The following GAP43 variants were observed in gnomAD, a reference collection of about 807,000 sequenced individuals.
GAP43 encodes growth associated protein 43, also known as neuromodulin.
In GAP43, 6 loss-of-function variants were observed where a neutral mutation model predicts 18.6. The ratio of observed to expected loss-of-function variants is 0.32; its 90% CI spans 0.18 to 0.64. The LOEUF (loss-of-function observed/expected upper bound fraction) is 0.64. Ranked by LOEUF, GAP43 falls within the 30% of genes least tolerant of loss-of-function variation. GAP43 has a pLI of 0.78. For missense variants in GAP43, 292 were observed against 295.5 expected (o/e 0.99, Z 0.09); for synonymous variants, 115 against 111.4 (o/e 1.03, Z -0.20).
intron 2 of GAP43, among the ~76,000 whole-genome samples, chr3:115,695,628 C>G (rs1709177224): frequency 6.6e-6 from 1 of 152,154 alleles, no homozygotes; most frequent in Admixed American, 6.5e-5. Context: ...GTCAGGCAGT[C>G]TAGCTCCTGA....
At chr3:115,660,703 T>C (rs533728857) in intron 1 of GAP43, among the ~76,000 whole-genome samples, 15 of 152,314 alleles carry the variant, frequency 9.8e-5, no homozygotes, top group Admixed American at 2.0e-4. Context: ...TATTTCATCA[T>C]TGAATGTGCA....
chr3:115,640,937 CTCTT>C (rs1377940586), intron 1 of GAP43, among the ~76,000 whole-genome samples: 6 of 145,212 alleles, frequency 4.1e-5, no homozygotes, highest in South Asian at 2.3e-4. Flanking sequence ...TTTTTTCCTT[CTCTT>C]TCTTTCTCCC....
At chr3:115,683,847 C>T (rs972119661) in intron 2 of GAP43, among the ~76,000 whole-genome samples, 8 of 152,006 alleles carry the variant, frequency 5.3e-5, no homozygotes, top group Non-Finnish European at 1.5e-5. Context: ...TAAAACTCTA[C>T]ATTCACAGTC....
chr3:115,650,706 G>A (rs1708510908), intron 1 of GAP43, among the ~76,000 whole-genome samples: 1 of 152,148 alleles, frequency 6.6e-6, no homozygotes, highest in South Asian at 2.1e-4. Context: ...ATCTCTAATA[G>A]CATAACTTTG....
intron 2 of GAP43, among the ~76,000 whole-genome samples, chr3:115,692,109 T>C (rs190134872): frequency 1.3e-5 from 2 of 152,298 alleles, no homozygotes; most frequent in East Asian, 3.9e-4. Context: ...CAAAATGACC[T>C]TGTCTTTCAT....
chr3:115,669,512 T>C (rs567441402), intron 1 of GAP43, among the ~76,000 whole-genome samples: 1 of 152,332 alleles, frequency 6.6e-6, no homozygotes, highest in South Asian at 2.1e-4. Flanking sequence ...GACAAGGTAC[T>C]TCTCAAAGGC....
chr3:115,685,000 G>A (rs1355061385), intron 2 of GAP43, among the ~76,000 whole-genome samples: 1 of 152,204 alleles, frequency 6.6e-6, no homozygotes, highest in Non-Finnish European at 1.5e-5. Flanking sequence ...AGTGGAAAAA[G>A]TAGCTTCATG....
intron 1 of GAP43, among the ~76,000 whole-genome samples, chr3:115,666,505 C>A (rs748959390): frequency 6.6e-6 from 1 of 152,082 alleles, no homozygotes; most frequent in East Asian, 1.9e-4. Flanking sequence ...ATGGTGATGG[C>A]AATAATTATG....
rs948735436 is a variant in GAP43 at position 115,720,970 on chromosome 3, C to T, written c.*88C>T. 8 of 777,458 alleles carry T rather than the reference C, an allele frequency of 1.0e-5. No individual in the cohort carries two copies. The Admixed American group carries it at 1.3e-4, about 13-fold the overall frequency. 48.2% of individuals were successfully genotyped at this position (777,458 alleles called of 1,614,324 possible). A position where few individuals can be genotyped will look rare whatever the true frequency, so the allele number is the denominator to read the frequency against. ...CTCTTCTCAGCTCCACTCTGAAGTC[C>T]CTTCCTGTCCTGCTCACGTCTGTGA... On this transcript the variant is annotated 3_prime_UTR_variant, in exon 3 of 3. Coordinates refer to ENST00000305124, the MANE Select transcript of GAP43 (RefSeq NM_002045.4).
intron 2 of GAP43, among the ~76,000 whole-genome samples, chr3:115,699,757 T>G (rs1170923324): frequency 3.9e-5 from 6 of 152,320 alleles, no homozygotes; most frequent in Non-Finnish European, 8.8e-5. Context: ...AAGGATTTTA[T>G]TTAATTAAAA....
At chr3:115,657,398 T>C (rs1708597047) in intron 1 of GAP43, among the ~76,000 whole-genome samples, 2 of 152,202 alleles carry the variant, frequency 1.3e-5, no homozygotes, top group Admixed American at 1.3e-4. Context: ...CCCGGGCCTC[T>C]TGGGTATTGA....
At chr3:115,689,602 T>A (rs1487260388) in intron 2 of GAP43, among the ~76,000 whole-genome samples, 1 of 152,172 alleles carries the variant, frequency 6.6e-6, no homozygotes. Flanking sequence ...AAATATTTCC[T>A]AGGCACCCAG....
chr3:115,715,307 G>T (rs1160631370), intron 2 of GAP43, among the ~76,000 whole-genome samples: 1 of 152,128 alleles, frequency 6.6e-6, no homozygotes, highest in African/African-American at 2.4e-5. Flanking sequence ...AACTGAAAAA[G>T]AACAAGCATA....
chr3:115,699,251 C>T lies in GAP43; in HGVS notation c.629-21543C>T, dbSNP rs372857001. Among the ~76,000 whole-genome samples, 486 of 152,256 alleles carry T rather than the reference C, an allele frequency of 3.2e-3. 4 individuals are homozygous for T. Among genetic ancestry groups the T allele is most frequent in the African/African-American group, 0.011 (471 of 41,528 alleles). The stretch of plus-strand genomic sequence containing the variant: ...CTTGTCACCACATGTGTGAAGTGCA[C>T]GTGAGAAACAGTAACAGGGTTAATG... On this transcript the variant is annotated intron_variant, in intron 2 of 2. Coordinates refer to ENST00000305124, the MANE Select transcript of GAP43 (RefSeq NM_002045.4).
At chr3:115,673,271 C>G (rs1708837687) in intron 1 of GAP43, among the ~76,000 whole-genome samples, 1 of 152,018 alleles carries the variant, frequency 6.6e-6, no homozygotes, top group African/African-American at 2.4e-5. Flanking sequence ...AATTGAGAGC[C>G]CTTTCTTTAT....
intron 1 of GAP43, among the ~76,000 whole-genome samples, chr3:115,673,671 T>A (rs1708840902): frequency 6.6e-6 from 1 of 152,218 alleles, no homozygotes; most frequent in African/African-American, 2.4e-5. Context: ...AGCAGAGAAC[T>A]CCTGGCAGGG....
chr3:115,655,565 T>C (rs1296655021), intron 1 of GAP43, among the ~76,000 whole-genome samples: 1 of 152,196 alleles, frequency 6.6e-6, no homozygotes, highest in Non-Finnish European at 1.5e-5. Flanking sequence ...TCAAATAGTA[T>C]GTACAGAATA....
At chr3:115,653,921 T>A (rs954625685) in intron 1 of GAP43, among the ~76,000 whole-genome samples, 3 of 152,070 alleles carry the variant, frequency 2.0e-5, no homozygotes, top group African/African-American at 4.8e-5. Flanking sequence ...AAAAAAAAAT[T>A]AGCCCTAATG....
At chr3:115,685,749 C>T (rs1298320225) in intron 2 of GAP43, among the ~76,000 whole-genome samples, 1 of 152,342 alleles carries the variant, frequency 6.6e-6, no homozygotes, top group East Asian at 1.9e-4. Context: ...AATGTGGTTT[C>T]AGTGTTCTCC....
Sources: allele counts gnomAD v4.1 joint callset (sites outside exome capture counted in the v4.1 genomes callset), GRCh38; gene constraint gnomAD v4.1.1; transcripts MANE v1.5; gene names NCBI Gene and HGNC (gene_info 2026-07-23, HGNC 2026-07-21).